Variants in ARK2N observed in about 807,000 individuals in gnomAD.
ARK2N encodes arkadia (RNF111) N-terminal like PKA signaling regulator 2N.
At chr18:46,242,453 A>G in the ARK2N span, among the ~76,000 whole-genome samples, 2 of 152,204 alleles carry the variant, frequency 1.3e-5, no homozygotes. Context: ...TTCAGATTCA[A>G]GTAATTGTTA....
chr18:46,200,979 C>CTTTTTTTT, the ARK2N span, among the ~76,000 whole-genome samples: 2 of 112,860 alleles, frequency 1.8e-5, no homozygotes, highest in African/African-American at 3.1e-5. Flanking sequence ...TTTCTTTTTT[C>CTTTTTTTT]TTTTTTTTTT....
the ARK2N span, among the ~76,000 whole-genome samples, chr18:46,243,829 C>A: frequency 6.6e-6 from 1 of 152,152 alleles, no homozygotes; most frequent in Non-Finnish European, 1.5e-5. Context: ...GTTATTGTTA[C>A]CACTAAGTGA....
chr18:46,208,822 A>G, the ARK2N span, among the ~76,000 whole-genome samples: 27 of 152,304 alleles, frequency 1.8e-4, no homozygotes, highest in East Asian at 4.8e-3. Context: ...TCAGACAGTT[A>G]TAGTATACAG....
the ARK2N span, among the ~76,000 whole-genome samples, chr18:46,213,263 G>C: frequency 6.6e-6 from 1 of 151,944 alleles, no homozygotes; most frequent in Non-Finnish European, 1.5e-5. Context: ...GCCTCCCAAA[G>C]TGCTGGGAAT....
At chr18:46,213,236 G>A in the ARK2N span, among the ~76,000 whole-genome samples, 1 of 151,630 alleles carries the variant, frequency 6.6e-6, no homozygotes, top group Non-Finnish European at 1.5e-5. Context: ...TCCTGATCTC[G>A]TGATCCACCT....
the ARK2N span, among the ~76,000 whole-genome samples, chr18:46,197,856 A>G: frequency 6.6e-6 from 1 of 152,174 alleles, no homozygotes; most frequent in Admixed American, 6.5e-5. Context: ...TGCATGATGT[A>G]CTTTCACCTC....
the ARK2N span, among the ~76,000 whole-genome samples, chr18:46,189,456 T>A: frequency 2.0e-5 from 3 of 152,134 alleles, no homozygotes; most frequent in African/African-American, 4.8e-5. Flanking sequence ...AAACTTTTTT[T>A]TAAAAAAAAT....
At chr18:46,185,481 T>G in the ARK2N span, among the ~76,000 whole-genome samples, 1 of 152,254 alleles carries the variant, frequency 6.6e-6, no homozygotes, top group Non-Finnish European at 1.5e-5. Flanking sequence ...ATTGTGATTG[T>G]CTTCCACCAT....
At chr18:46,225,827 A>AAG in the ARK2N span, among the ~76,000 whole-genome samples, 1 of 152,168 alleles carries the variant, frequency 6.6e-6, no homozygotes, top group Non-Finnish European at 1.5e-5. Context: ...TCACAACAGA[A>AAG]AGCCCCAGAA....
chr18:46,176,218 A>G, the ARK2N span, among the ~76,000 whole-genome samples: 30 of 152,308 alleles, frequency 2.0e-4, no homozygotes, highest in Middle Eastern at 0.01. Flanking sequence ...GGGATTCCCA[A>G]TCTTACAGCT....
At chr18:46,194,805 A>AT in the ARK2N span, among the ~76,000 whole-genome samples, 19,543 of 126,582 alleles carry the variant, frequency 0.15, 1,895 homozygotes, top group East Asian at 0.42. Flanking sequence ...AATTTAATTA[A>AT]TTTTTTTTTT....
At chr18:46,238,716 T>C in the ARK2N span, among the ~76,000 whole-genome samples, 2 of 152,238 alleles carry the variant, frequency 1.3e-5, no homozygotes, top group Admixed American at 1.3e-4. Context: ...TTAAAAAATA[T>C]TACTACATAA....
At chr18:46,191,897 C>A in the ARK2N span, among the ~76,000 whole-genome samples, 1 of 152,290 alleles carries the variant, frequency 6.6e-6, no homozygotes, top group African/African-American at 2.4e-5. Flanking sequence ...GAATGTCATA[C>A]AATTGGAATG....
At chr18:46,201,414 T>C in the ARK2N span, among the ~76,000 whole-genome samples, 1 of 152,292 alleles carries the variant, frequency 6.6e-6, no homozygotes, top group Non-Finnish European at 1.5e-5. Context: ...AGTAGACTTG[T>C]TTTTTTGTCC....
At chr18:46,227,963 A>G in the ARK2N span, among the ~76,000 whole-genome samples, 1 of 152,150 alleles carries the variant, frequency 6.6e-6, no homozygotes, top group South Asian at 2.1e-4. Context: ...AGTAGAGGTA[A>G]GGTTTGAACA....
chr18:46,179,695 C>T, the ARK2N span, among the ~76,000 whole-genome samples: 2 of 151,262 alleles, frequency 1.3e-5, no homozygotes, highest in Non-Finnish European at 3.0e-5. Context: ...GCGCCATCTC[C>T]GCTCACCGCA....
the ARK2N span, among the ~76,000 whole-genome samples, chr18:46,230,556 T>C: frequency 6.6e-6 from 1 of 152,242 alleles, no homozygotes; most frequent in Non-Finnish European, 1.5e-5. Context: ...CCAGAAATGG[T>C]TGAAATGCTT....
the ARK2N span, among the ~76,000 whole-genome samples, chr18:46,180,512 G>A: frequency 2.8e-4 from 43 of 152,060 alleles, no homozygotes; most frequent in Admixed American, 7.8e-4. Flanking sequence ...TTTGAGACCA[G>A]CCTGACCAAC....
chr18:46,202,667 A>G, the ARK2N span, among the ~76,000 whole-genome samples: 94,223 of 150,890 alleles, frequency 0.62, 31,564 homozygotes, highest in Non-Finnish European at 0.74. Flanking sequence ...GGGTGCCTGT[A>G]ATCCCGGCTA....
Sources: allele counts gnomAD v4.1 joint callset (sites outside exome capture counted in the v4.1 genomes callset), GRCh38; gene constraint gnomAD v4.1.1; transcripts MANE v1.5; gene names NCBI Gene and HGNC (gene_info 2026-07-23, HGNC 2026-07-21).